CCSER1: variants seen among roughly 807,000 people sequenced by gnomAD.
CCSER1 encodes the protein coiled-coil serine rich protein 1, also known as serine-rich coiled-coil domain-containing protein 1.
A neutral mutation model predicts 82.0 loss-of-function variants in CCSER1; 41 were observed. That is an observed-to-expected ratio of 0.50 (90% CI 0.39 to 0.65). CCSER1 has a LOEUF of 0.65. Ranked by LOEUF, CCSER1 falls within the 30% of genes least tolerant of loss-of-function variation. The probability of loss-of-function intolerance (pLI) is 0.00; values close to 1 mark genes in which losing one functional copy is unlikely to be tolerated. For synonymous variants in CCSER1, 414 were observed against 383.9 expected (o/e 1.08, Z -0.92); for missense variants, 1,119 against 1,064.2 (o/e 1.05, Z -0.72).
At chr4:90,816,809 C>T (rs2149769886) in intron 8 of CCSER1, among the ~76,000 whole-genome samples, 1 of 152,206 alleles carries the variant, frequency 6.6e-6, no homozygotes, top group Non-Finnish European at 1.5e-5. Flanking sequence ...CATCGAACTT[C>T]TGAGGACTCC....
At position 90,413,916 on chromosome 4, in the gene CCSER1, C is replaced by T. The variant is rs543084415; in HGVS notation, c.1603+13787C>T. Among the ~76,000 whole-genome samples, 128 of 128,008 alleles carry T rather than the reference C, an allele frequency of 1.0e-3. 1 individual carries two copies. The highest frequency in any genetic ancestry group is 3.5e-3 in the Admixed American group (39 of 11,172). The allele number at this position is 128,008 out of a possible 152,430, so 84.0% of individuals were successfully genotyped here. Reference sequence around the variant, plus strand: ...GTGAGCCAAGATTGCGCCACTGCACCCCAGCCTGGGTGACAGAGCGAGACA... The same window carrying T: ...GTGAGCCAAGATTGCGCCACTGCACTCCAGCCTGGGTGACAGAGCGAGACA... On this transcript the variant is annotated intron_variant, in intron 4 of 10. Coordinates refer to ENST00000509176, the MANE Select transcript of CCSER1 (RefSeq NM_001145065.2).
At chr4:90,216,385 A>G (rs1405210254) in intron 1 of CCSER1, among the ~76,000 whole-genome samples, 1 of 152,188 alleles carries the variant, frequency 6.6e-6, no homozygotes, top group Non-Finnish European at 1.5e-5. Flanking sequence ...TGGAGTTCAT[A>G]AGCTTCCATT....
At position 90,845,638 on chromosome 4, in the gene CCSER1, C is replaced by T. The variant is rs545640574; in HGVS notation, c.2094+29793C>T. Reference sequence around the variant, plus strand: ...CAGAATCAGAACTAGGAGTGAAAGGCTGTCCTAGGCCAGAAGGCAACAAAA... The same window carrying T: ...CAGAATCAGAACTAGGAGTGAAAGGTTGTCCTAGGCCAGAAGGCAACAAAA... On this transcript the variant is annotated intron_variant, in intron 8 of 10. Coordinates refer to ENST00000509176, the MANE Select transcript of CCSER1 (RefSeq NM_001145065.2). Among the ~76,000 whole-genome samples, 17 of 152,214 alleles carry T rather than the reference C, an allele frequency of 1.1e-4. No individual in the cohort carries two copies. The South Asian group carries it at 3.5e-3, about 32-fold the overall frequency.
At chr4:90,851,729 T>G (rs1384264779) in intron 8 of CCSER1, among the ~76,000 whole-genome samples, 1 of 152,158 alleles carries the variant, frequency 6.6e-6, no homozygotes, top group Admixed American at 6.5e-5. Context: ...TGTTTCTAGA[T>G]AGCTGGATTG....
intron 7 of CCSER1, among the ~76,000 whole-genome samples, chr4:90,798,761 C>A (rs527870008): frequency 1.6e-4 from 24 of 152,154 alleles, no homozygotes; most frequent in Non-Finnish European, 2.8e-4. Context: ...CACTGCTTAG[C>A]CCCCAACTCC....
intron 8 of CCSER1, among the ~76,000 whole-genome samples, chr4:90,859,615 A>G (rs1379818268): frequency 6.6e-6 from 1 of 151,812 alleles, no homozygotes; most frequent in African/African-American, 2.4e-5. Context: ...ATTATGATTA[A>G]TATAGCTATT....
At chr4:91,522,529 T>A (rs551068501) in intron 10 of CCSER1, among the ~76,000 whole-genome samples, 1 of 152,336 alleles carries the variant, frequency 6.6e-6, no homozygotes, top group East Asian at 1.9e-4. Context: ...TCCATTTGTT[T>A]GTGTCCTCTT....
At chr4:91,351,251 A>G (rs1377459103) in intron 10 of CCSER1, among the ~76,000 whole-genome samples, 1 of 152,040 alleles carries the variant, frequency 6.6e-6, no homozygotes, top group East Asian at 1.9e-4. Context: ...CACAATACTC[A>G]ATTGTCTTTA....
chr4:90,323,967 A>G (rs1737651285), intron 3 of CCSER1, among the ~76,000 whole-genome samples: 4 of 152,134 alleles, frequency 2.6e-5, no homozygotes, highest in Admixed American at 2.6e-4. Context: ...ATGATTTCCA[A>G]TTTCATTCAT....
intron 7 of CCSER1, among the ~76,000 whole-genome samples, chr4:90,766,807 C>T (rs1052182371): frequency 6.6e-6 from 1 of 151,998 alleles, no homozygotes; most frequent in African/African-American, 2.4e-5. Context: ...TATTTTCTCT[C>T]CATTGATACA....
chr4:90,505,828 G>A (rs1013480305), intron 5 of CCSER1, among the ~76,000 whole-genome samples: 3 of 152,126 alleles, frequency 2.0e-5, no homozygotes, highest in Non-Finnish European at 2.9e-5. Context: ...GCAGATTTTC[G>A]CCAACTTCTT....
rs931098434 is a variant in CCSER1, at chr4:90,861,298, A to T, written c.2094+45453A>T. Among the ~76,000 whole-genome samples the T allele has an allele frequency of 2.0e-5, 3 of 151,760 alleles. 1 individual carries two copies. Among genetic ancestry groups the T allele is most frequent in the South Asian group, 4.1e-4 (2 of 4,836 alleles). On this transcript the variant is annotated intron_variant, in intron 8 of 10. Transcript: ENST00000509176. ...AAAAGCCAGTGCTAAGCACTGAGAG[A>T]TGTAATGTGTATTTAAATTAGTCCC...
intron 8 of CCSER1, among the ~76,000 whole-genome samples, chr4:90,921,114 C>T (rs1426588673): frequency 1.3e-5 from 2 of 151,716 alleles, no homozygotes; most frequent in African/African-American, 2.4e-5. Flanking sequence ...ATCTATAAAA[C>T]TCTTTTTGTA....
intron 1 of CCSER1, among the ~76,000 whole-genome samples, chr4:90,284,319 C>T (rs1729435116): frequency 6.6e-6 from 1 of 152,004 alleles, no homozygotes; most frequent in Non-Finnish European, 1.5e-5. Flanking sequence ...CACAAGCAAG[C>T]TTTTTTAGTT....
At position 90,252,457 on chromosome 4, in the gene CCSER1, A is replaced by G. The variant is rs565724237; in HGVS notation, c.-41-55787A>G. Among the ~76,000 whole-genome samples, 14 of 151,594 alleles carry G rather than the reference A, an allele frequency of 9.2e-5. No homozygotes were observed. In the South Asian group the frequency reaches 2.7e-3, roughly 29 times the overall value. The stretch of plus-strand genomic sequence containing the variant: ...GTAATATAAGAACGTGTTTTTTACT[A>G]TTTATATATTTGTAAATTTTCCAAT... On this transcript the variant is annotated intron_variant, in intron 1 of 10. Coordinates refer to ENST00000509176, the MANE Select transcript of CCSER1 (RefSeq NM_001145065.2).
chr4:90,214,695 G>A (rs1740689967), intron 1 of CCSER1, among the ~76,000 whole-genome samples: 1 of 152,144 alleles, frequency 6.6e-6, no homozygotes, highest in South Asian at 2.1e-4. Flanking sequence ...TCCTAGATGA[G>A]AGTAAATTGT....
intron 4 of CCSER1, among the ~76,000 whole-genome samples, chr4:90,451,134 C>G (rs1481816167): frequency 6.6e-6 from 1 of 152,080 alleles, no homozygotes; most frequent in Non-Finnish European, 1.5e-5. Flanking sequence ...TGCTTATTGC[C>G]TTTTATACCC....
intron 5 of CCSER1, among the ~76,000 whole-genome samples, chr4:90,586,342 A>G (rs1579311379): frequency 6.6e-6 from 1 of 152,234 alleles, no homozygotes; most frequent in South Asian, 2.1e-4. Flanking sequence ...CTGCGGATTT[A>G]GAAGATAAGT....
intron 9 of CCSER1, among the ~76,000 whole-genome samples, chr4:90,984,795 T>C (rs1736443768): frequency 6.6e-6 from 1 of 151,858 alleles, no homozygotes; most frequent in African/African-American, 2.4e-5. Context: ...TTGACACTCT[T>C]TCTACAGTCA....
Sources: gnomAD v4.1 joint callset for allele counts (sites outside exome capture counted in the v4.1 genomes callset) on GRCh38, gnomAD v4.1.1 for gene constraint, MANE v1.5 for transcripts, NCBI Gene and HGNC (gene_info 2026-07-23, HGNC 2026-07-21) for gene names.